Variants in CABLES1 observed in about 807,000 individuals in gnomAD.
CABLES1 encodes the protein CDK5 and ABL1 enzyme substrate 1.
CABLES1 carries 36 observed loss-of-function variants against 57.8 expected under a neutral mutation model. The ratio of observed to expected loss-of-function variants is 0.62; its 90% CI spans 0.48 to 0.82. The LOEUF (loss-of-function observed/expected upper bound fraction) is 0.82. Ranked by LOEUF, CABLES1 falls within the 40% of genes least tolerant of loss-of-function variation. The probability of loss-of-function intolerance (pLI) is 0.00; values close to 1 mark genes in which losing one functional copy is unlikely to be tolerated. For missense variants in CABLES1, 767 were observed against 836.6 expected, an observed-to-expected ratio of 0.92 and a Z score of 1.03; for synonymous variants, 374 against 363.0, an observed-to-expected ratio of 1.03 and a Z score of -0.35.
chr18:23,137,633 A>G (rs1026940032), intron 1 of CABLES1, among the ~76,000 whole-genome samples: 2 of 152,210 alleles, frequency 1.3e-5, no homozygotes, highest in Non-Finnish European at 2.9e-5. Flanking sequence ...CTCTCCTATC[A>G]TGCTTACCTG....
At chr18:23,142,925 G>T (rs558791684) in intron 1 of CABLES1, among the ~76,000 whole-genome samples, 227 of 152,218 alleles carry the variant, frequency 1.5e-3, no homozygotes, top group African/African-American at 5.3e-3. Context: ...ACTTTGATGG[G>T]ACTGAGTTCA....
intron 9 of CABLES1, 161 bp from the exon 10 acceptor site, chr18:23,257,066 G>A (rs2048186101): frequency 5.3e-6 from 4 of 748,962 alleles, no homozygotes; most frequent in Non-Finnish European, 8.5e-6. Flanking sequence ...ACCGAAGGCA[G>A]GAAGCACAGC....
At chr18:23,197,302 C>T (rs2047291373) in intron 3 of CABLES1, 1 of 152,238 alleles carries the variant, frequency 6.6e-6, no homozygotes, top group Non-Finnish European at 1.5e-5. Flanking sequence ...TGAGGAATCA[C>T]TTCACCCTGT....
At position 23,195,090 on chromosome 18, in the gene CABLES1, G is replaced by A. The variant is rs1804597098; in HGVS notation, c.1010+550G>A. Among the ~76,000 whole-genome samples, 10 of 152,332 alleles carry A rather than the reference G, an allele frequency of 6.6e-5. No homozygotes were observed. In the South Asian group the frequency reaches 1.9e-3, roughly 28 times the overall value. On this transcript the variant is annotated intron_variant, in intron 3 of 9. Transcript: ENST00000256925. The stretch of plus-strand genomic sequence containing the variant: ...TGTTTCTCCAGCTCTTCAGCTGCTC[G>A]TTTGGAAAGCACCATTAAATAAAAC...
intron 1 of CABLES1, among the ~76,000 whole-genome samples, chr18:23,153,002 A>G (rs974123967): frequency 6.6e-6 from 1 of 151,406 alleles, no homozygotes; most frequent in African/African-American, 2.4e-5. Flanking sequence ...GGGTTTCACC[A>G]TGTTGGCCAG....
Position 23,136,380 on chromosome 18 carries a change from G to A in CABLES1, c.618G>A (p.Glu206=). ...LLDGSGAAGQ[E]ELEEDDAFIS... is the part of the protein sequence containing the mutation. ...ACGGGTCCGGGGCCGCCGGGCAGGA[G>A]GAGTTGGAGGAGGACGATGCCTTTA... Residue 206 remains glutamate, a synonymous_variant, in exon 1 of 10, where the codon GAG becomes GAA. Transcript: ENST00000256925. The A allele has an allele frequency of 1.9e-6, 3 of 1,553,028 alleles. No homozygotes were observed. The highest frequency in any genetic ancestry group is 2.6e-6 in the Non-Finnish European group (3 of 1,151,906).
rs766652891 is a variant in CABLES1, at chr18:23,155,931, G to T, written c.845+19324G>T. ...CTTTCTAAGAGGGGCTGCCATGCAA[G>T]AATATATGCTGATTTTCCCATGTAA... On this transcript the variant is annotated intron_variant, in intron 1 of 9. Coordinates refer to ENST00000256925, the MANE Select transcript of CABLES1 (RefSeq NM_001100619.3). 2.4e-5 allele frequency: 38 copies of T among 1,614,194 alleles called. No individual in the cohort carries two copies. In the South Asian group the frequency reaches 3.7e-4, roughly 16 times the overall value.
At chr18:23,157,757 A>G (rs2046975293) in intron 1 of CABLES1, among the ~76,000 whole-genome samples, 1 of 152,060 alleles carries the variant, frequency 6.6e-6, no homozygotes, top group Non-Finnish European at 1.5e-5. Context: ...AGTCCCAGCT[A>G]CTCTGAAAGC....
chr18:23,224,168 A>G (rs1181963316), intron 4 of CABLES1, among the ~76,000 whole-genome samples: 2 of 148,364 alleles, frequency 1.3e-5, no homozygotes, highest in South Asian at 2.1e-4. Flanking sequence ...ATCAGTTTAC[A>G]TAGAATTCCA....
intron 2 of CABLES1, among the ~76,000 whole-genome samples, chr18:23,192,870 T>C (rs777666004): frequency 4.6e-5 from 7 of 152,140 alleles, no homozygotes; most frequent in Admixed American, 6.5e-5. Flanking sequence ...AGTGAGGCCC[T>C]ATCTCCTTGA....
chr18:23,241,307 G>C (rs1218593818), intron 7 of CABLES1, among the ~76,000 whole-genome samples: 2 of 151,992 alleles, frequency 1.3e-5, no homozygotes, highest in Non-Finnish European at 2.9e-5. Context: ...AAGGTGGGGG[G>C]ATCACTTGAG....
chr18:23,239,696 T>C (rs1241990431), intron 7 of CABLES1, among the ~76,000 whole-genome samples: 3 of 152,214 alleles, frequency 2.0e-5, no homozygotes, highest in Non-Finnish European at 4.4e-5. Context: ...CAAGCTTCCT[T>C]ACCCAGTAGA....
At chr18:23,180,785 A>G (rs951694283) in intron 1 of CABLES1, among the ~76,000 whole-genome samples, 1 of 152,254 alleles carries the variant, frequency 6.6e-6, no homozygotes, top group Non-Finnish European at 1.5e-5. Context: ...ACTTTTTAGG[A>G]CACCTTTTCT....
intron 3 of CABLES1, among the ~76,000 whole-genome samples, chr18:23,212,074 C>T (rs1360723386): frequency 2.6e-5 from 4 of 152,246 alleles, no homozygotes; most frequent in South Asian, 2.1e-4. Context: ...CATGCTACTC[C>T]GATGTAGACA....
At chr18:23,185,861 T>G (rs1161015615) in intron 1 of CABLES1, among the ~76,000 whole-genome samples, 1 of 152,224 alleles carries the variant, frequency 6.6e-6, no homozygotes, top group Non-Finnish European at 1.5e-5. Flanking sequence ...AAGTAAATAC[T>G]TAAATGAGTG....
At chr18:23,135,151 T>G (rs1337327556), upstream of CABLES1, among the ~76,000 whole-genome samples, 1 of 151,372 alleles carries the variant, frequency 6.6e-6, no homozygotes, top group African/African-American at 2.4e-5. Context: ...GCTCACCCAA[T>G]TCCCAGTGCG....
At chr18:23,158,430 T>C (rs1268728343) in intron 1 of CABLES1, among the ~76,000 whole-genome samples, 2 of 152,198 alleles carry the variant, frequency 1.3e-5, no homozygotes, top group Non-Finnish European at 2.9e-5. Context: ...ATGGTTTTCA[T>C]TTAGTGTGAT....
At chr18:23,141,836 A>AG (rs1422044644) in intron 1 of CABLES1, among the ~76,000 whole-genome samples, 1 of 152,208 alleles carries the variant, frequency 6.6e-6, no homozygotes, top group Admixed American at 6.5e-5. Context: ...TAGCTTTCCC[A>AG]GGAAGCGCCG....
intron 1 of CABLES1, among the ~76,000 whole-genome samples, chr18:23,139,084 G>A (rs1191832386): frequency 1.3e-5 from 2 of 152,050 alleles, no homozygotes; most frequent in African/African-American, 2.4e-5. Flanking sequence ...TATATATTGG[G>A]TTTGTTTTGG....
Sources: gnomAD v4.1 joint callset for allele counts (sites outside exome capture counted in the v4.1 genomes callset) on GRCh38, gnomAD v4.1.1 for gene constraint, MANE v1.5 for transcripts, NCBI Gene and HGNC (gene_info 2026-07-23, HGNC 2026-07-21) for gene names.